RNU2-2: variants seen among roughly 807,000 people sequenced by gnomAD.
RNU2-2 encodes the protein RNA, U2 small nuclear 2, pseudogene.
chr11:62,841,663 C>G, the RNU2-2 span: 1 of 152,216 alleles, frequency 6.6e-6, no homozygotes, highest in East Asian at 1.9e-4. Context: ...CAGGTCGATG[C>G]GTGGAGTGGA....
the RNU2-2 span, chr11:62,841,691 C>G: frequency 3.3e-5 from 5 of 152,178 alleles, no homozygotes; most frequent in Admixed American, 6.5e-5. Flanking sequence ...AGCTCCTATT[C>G]CATCTCCTAT....
chr11:62,841,789 G>C, the RNU2-2 span: 1 of 152,212 alleles, frequency 6.6e-6, no homozygotes, highest in Non-Finnish European at 1.5e-5. Context: ...CTTGATCTTA[G>C]CCAAAAGGCC....
At chr11:62,841,631 G>T in the RNU2-2 span, 2 of 152,208 alleles carry the variant, frequency 1.3e-5, no homozygotes, top group African/African-American at 4.8e-5. Context: ...AGAGTGCACC[G>T]TTCCTGGAAG....
At chr11:62,841,760 G>C in the RNU2-2 span, 4 of 152,274 alleles carry the variant, frequency 2.6e-5, no homozygotes, top group African/African-American at 7.2e-5. Context: ...ATATTAAACT[G>C]ATAAGAACAG....
chr11:62,841,733 G>C, the RNU2-2 span: 10 of 152,244 alleles, frequency 6.6e-5, no homozygotes, highest in African/African-American at 1.4e-4. Flanking sequence ...ATTGTCCTCG[G>C]ATAGAGGACG....
the RNU2-2 span, chr11:62,841,640 A>C: frequency 6.6e-6 from 1 of 152,360 alleles, no homozygotes; most frequent in African/African-American, 2.4e-5. Context: ...CGTTCCTGGA[A>C]GTACTGCAAT....
the RNU2-2 span, chr11:62,841,627 C>A: frequency 1.3e-5 from 2 of 152,218 alleles, no homozygotes; most frequent in Non-Finnish European, 2.9e-5. Flanking sequence ...AGGGAGAGTG[C>A]ACCGTTCCTG....
chr11:62,841,697 C>G, the RNU2-2 span: 2 of 152,208 alleles, frequency 1.3e-5, no homozygotes, highest in Admixed American at 6.5e-5. Flanking sequence ...TATTCCATCT[C>G]CTATTTCCAA....
At chr11:62,841,710 A>C in the RNU2-2 span, 4 of 152,214 alleles carry the variant, frequency 2.6e-5, no homozygotes, top group Non-Finnish European at 4.4e-5. Flanking sequence ...ATTTCCAAAA[A>C]TCCATTTAAT....
chr11:62,841,660 A>T, the RNU2-2 span: 1 of 152,366 alleles, frequency 6.6e-6, no homozygotes, highest in East Asian at 1.9e-4. Flanking sequence ...TACCAGGTCG[A>T]TGCGTGGAGT....
chr11:62,841,648 A>G, the RNU2-2 span: 1 of 152,240 alleles, frequency 6.6e-6, no homozygotes, highest in African/African-American at 2.4e-5. Flanking sequence ...GAAGTACTGC[A>G]ATACCAGGTC....
At chr11:62,841,632 T>G in the RNU2-2 span, 1 of 152,234 alleles carries the variant, frequency 6.6e-6, no homozygotes, top group East Asian at 1.9e-4. Context: ...GAGTGCACCG[T>G]TCCTGGAAGT....
the RNU2-2 span, chr11:62,841,779 C>T: frequency 6.6e-6 from 1 of 152,238 alleles, no homozygotes; most frequent in African/African-American, 2.4e-5. Context: ...AGATACTACA[C>T]TTGATCTTAG....
the RNU2-2 span, chr11:62,841,757 A>G: frequency 6.6e-6 from 1 of 152,188 alleles, no homozygotes; most frequent in Non-Finnish European, 1.5e-5. Flanking sequence ...CAGATATTAA[A>G]CTGATAAGAA....
chr11:62,841,701 T>TA, the RNU2-2 span: 1 of 152,222 alleles, frequency 6.6e-6, no homozygotes, highest in Non-Finnish European at 1.5e-5. Flanking sequence ...CCATCTCCTA[T>TA]TTCCAAAAAT....
the RNU2-2 span, chr11:62,841,670 T>G: frequency 7.9e-5 from 12 of 152,068 alleles, no homozygotes; most frequent in African/African-American, 4.8e-5. Context: ...ATGCGTGGAG[T>G]GGACGGAGCA....
the RNU2-2 span, chr11:62,841,693 A>T: frequency 6.6e-6 from 1 of 152,170 alleles, no homozygotes; most frequent in South Asian, 2.1e-4. Context: ...CTCCTATTCC[A>T]TCTCCTATTT....
the RNU2-2 span, chr11:62,841,654 A>C: frequency 3.3e-5 from 5 of 152,248 alleles, no homozygotes; most frequent in African/African-American, 7.2e-5. Flanking sequence ...CTGCAATACC[A>C]GGTCGATGCG....
the RNU2-2 span, chr11:62,841,730 T>G: frequency 2.0e-5 from 3 of 152,328 alleles, no homozygotes; most frequent in Non-Finnish European, 2.9e-5. Flanking sequence ...TATATTGTCC[T>G]CGGATAGAGG....
Sources: allele counts gnomAD v4.1 joint callset, GRCh38; gene constraint gnomAD v4.1.1; transcripts MANE v1.5; gene names NCBI Gene and HGNC (gene_info 2026-07-23, HGNC 2026-07-21).